The following COBLL1 variants were observed in gnomAD, a reference collection of about 807,000 sequenced individuals.
The protein encoded by COBLL1 is cordon-bleu protein-like 1.
COBLL1 carries 50 observed loss-of-function variants against 94.8 expected under a neutral mutation model. The observed-to-expected ratio is 0.53, with a 90% CI of 0.42 to 0.67. The LOEUF is 0.67. Ranked by LOEUF, COBLL1 falls within the 30% of genes least tolerant of loss-of-function variation. The pLI, the probability that COBLL1 is intolerant of heterozygous loss-of-function variation, is 0.00. For missense variants in COBLL1, 1,362 were observed against 1,348.7 expected (o/e 1.01, Z -0.15); for synonymous variants, 448 against 473.8 (o/e 0.95, Z 0.71).
At chr2:164,798,932 A>G (rs988566192) in intron 2 of COBLL1, among the ~76,000 whole-genome samples, 1 of 148,340 alleles carries the variant, frequency 6.7e-6, no homozygotes, top group East Asian at 2.1e-4. Context: ...AGGCAGGAGA[A>G]TGGCGTGAAC....
chr2:164,714,888 A>G (rs1011658617), intron 7 of COBLL1, among the ~76,000 whole-genome samples: 2 of 152,298 alleles, frequency 1.3e-5, no homozygotes, highest in East Asian at 3.9e-4. Flanking sequence ...TTACATACTA[A>G]TAGACAAGAA....
At chr2:164,840,916 G>A in intron 2 of COBLL1, 1 of 388,974 alleles carries the variant, frequency 2.6e-6, no homozygotes, top group South Asian at 1.4e-4. Context: ...CATTCAGCTG[G>A]CCTGTAGCAA....
rs1350973430 is a variant in COBLL1, at chr2:164,668,765, C to T, written n.127-2864G>A. Among the ~76,000 whole-genome samples, 5 of 152,328 alleles carry T rather than the reference C, an allele frequency of 3.3e-5. No individual in the cohort carries two copies. The South Asian group carries it at 6.2e-4, about 19-fold the overall frequency. On this transcript the variant is annotated intron_variant and non_coding_transcript_variant, in intron 1 of 2. Coordinates refer to the COBLL1 transcript ENST00000495084. ...ATTATAATTATTTGAAGGAGCAAAACATTCTGTGGATGTTTATTTATCTAC... is the reference window on the plus strand; with the variant it reads ...ATTATAATTATTTGAAGGAGCAAAATATTCTGTGGATGTTTATTTATCTAC...
At chr2:164,757,715 G>A (rs1273903925) in intron 2 of COBLL1, among the ~76,000 whole-genome samples, 1 of 152,038 alleles carries the variant, frequency 6.6e-6, no homozygotes, top group Non-Finnish European at 1.5e-5. Context: ...GGGAGCCTGA[G>A]GTGGTAGGAT....
In COBLL1 at chr2:164,704,462, C is replaced by T. The variant is rs1684478936; in HGVS notation, c.1207G>A (p.Glu403Lys). 6.2e-7 allele frequency: 1 copy of T among 1,612,852 alleles called. No homozygotes were observed. The highest frequency in any genetic ancestry group is 1.3e-5 in the African/African-American group (1 of 74,898). The change falls in exon 9 of 14, where the codon GAG (glutamate) becomes AAG (lysine). Residue 403 changes from glutamate (E) to lysine (K), a missense_variant. Glu to Lys is a moderately conservative substitution (Grantham distance 56). Transcript: ENST00000652658. The stretch of plus-strand genomic sequence containing the variant: ...GTCATACCTGGGCTGGATAGCTCCT[C>T]AGGAGAGTTTGCTTCTGAAGCACTG... ...PDSASEANSPEELSSPAGISS... is the reference protein window; with the variant it reads ...PDSASEANSPKELSSPAGISS...
downstream of COBLL1, among the ~76,000 whole-genome samples, chr2:164,679,516 G>A (rs1372315738): frequency 6.6e-6 from 1 of 152,080 alleles, no homozygotes; most frequent in Non-Finnish European, 1.5e-5. Context: ...TGGGGCCATG[G>A]TATCAAATAT....
chr2:164,721,991 C>G, intron 7 of COBLL1, 84 bp downstream of exon 7: 1 of 1,023,276 alleles, frequency 9.8e-7, no homozygotes, highest in Non-Finnish European at 1.5e-6. Context: ...TACTAGTCTA[C>G]CTAGAAAAGA....
chr2:164,778,262 G>C (rs1688565628), intron 2 of COBLL1, among the ~76,000 whole-genome samples: 1 of 152,216 alleles, frequency 6.6e-6, no homozygotes, highest in Non-Finnish European at 1.5e-5. Context: ...GGTTATACTT[G>C]GGAGGAATAG....
At chr2:164,676,040 A>G (rs1336742838), downstream of COBLL1, among the ~76,000 whole-genome samples, 1 of 152,232 alleles carries the variant, frequency 6.6e-6, no homozygotes, top group Non-Finnish European at 1.5e-5. Flanking sequence ...GAGTACAGGG[A>G]TTAACAACTC....
At chr2:164,790,234 T>C (rs1432591685) in intron 2 of COBLL1, among the ~76,000 whole-genome samples, 1 of 152,128 alleles carries the variant, frequency 6.6e-6, no homozygotes, top group Non-Finnish European at 1.5e-5. Context: ...TGTGTCTACA[T>C]TGTCCCAGTG....
chr2:164,841,525 G>A lies in COBLL1; in HGVS notation c.-51+185C>T, dbSNP rs1023932600. The A allele has an allele frequency of 1.1e-5, 11 of 961,626 alleles. No individual in the cohort carries two copies. The highest frequency in any genetic ancestry group is 8.6e-5 in the African/African-American group (5 of 57,830). The allele number at this position is 961,626 out of a possible 1,614,324, so 59.6% of individuals were successfully genotyped here. ...GTAGCCATTTGGCGCCTCTCGGAGG[G>A]AGAGGAGCCGCCGGGGCTGGAAAAG... On this transcript the variant is annotated intron_variant, in intron 1 of 13. Coordinates refer to ENST00000652658, the MANE Select transcript of COBLL1 (RefSeq NM_001365672.2). This position sits in a 1 kb window ranked among gnomAD's most constrained non-coding sequence, Gnocchi z 5.5.
intron 7 of COBLL1, among the ~76,000 whole-genome samples, chr2:164,714,340 G>GAGGGT (rs1349475775): frequency 6.9e-6 from 1 of 144,300 alleles, no homozygotes. Context: ...GCCCAATGAT[G>GAGGGT]AGGGTCTAGC....
In COBLL1 at chr2:164,743,982, T is replaced by C. The variant is rs943881848; in HGVS notation, c.42-107A>G. 3.8e-6 allele frequency: 3 copies of C among 783,962 alleles called. No homozygotes were observed. In the African/African-American group the frequency reaches 5.3e-5, roughly 14 times the overall value. 48.6% of individuals were successfully genotyped at this position (783,962 alleles called of 1,614,324 possible). On this transcript the variant is annotated intron_variant, in intron 2 of 13. Transcript: ENST00000652658. Reference sequence around the variant, plus strand: ...TGATCTAGTAGTGGTTTTTCACATCTAGAAAAAATGTTCTACAATGTTAAC... The same window carrying C: ...TGATCTAGTAGTGGTTTTTCACATCCAGAAAAAATGTTCTACAATGTTAAC...
At chr2:164,756,637 T>TGGCCCAC (rs1687421717) in intron 2 of COBLL1, among the ~76,000 whole-genome samples, 1 of 152,154 alleles carries the variant, frequency 6.6e-6, no homozygotes, top group African/African-American at 2.4e-5. Context: ...CTTCACTGTT[T>TGGCCCAC]TTGGTGGGGA....
chr2:164,786,861 C>A (rs1688985794), intron 2 of COBLL1, among the ~76,000 whole-genome samples: 1 of 152,080 alleles, frequency 6.6e-6, no homozygotes, highest in South Asian at 2.1e-4. Context: ...TACTTCCTTG[C>A]CTTAATGTAT....
chr2:164,747,846 A>G (rs1047650692), intron 2 of COBLL1, among the ~76,000 whole-genome samples: 6 of 152,198 alleles, frequency 3.9e-5, no homozygotes, highest in Non-Finnish European at 1.5e-5. Flanking sequence ...ATGTATTTGT[A>G]ACTTTTGTTC....
intron 2 of COBLL1, among the ~76,000 whole-genome samples, chr2:164,817,766 A>T (rs1574643218): frequency 1.3e-5 from 2 of 152,112 alleles, no homozygotes; most frequent in Non-Finnish European, 2.9e-5. Context: ...AAGGGAAGCC[A>T]CCTGGTGGCT....
At chr2:164,808,523 T>A (rs967914205) in intron 2 of COBLL1, among the ~76,000 whole-genome samples, 2 of 152,154 alleles carry the variant, frequency 1.3e-5, no homozygotes, top group African/African-American at 4.8e-5. Context: ...TGAAACCAAA[T>A]AGCTACATGT....
At chr2:164,752,362 G>C (rs752305861) in intron 2 of COBLL1, among the ~76,000 whole-genome samples, 1 of 152,174 alleles carries the variant, frequency 6.6e-6, no homozygotes, top group Non-Finnish European at 1.5e-5. Context: ...TGATTCTGAA[G>C]TTGGTGCTCT....
Sources: allele counts gnomAD v4.1 joint callset (sites outside exome capture counted in the v4.1 genomes callset), GRCh38; gene constraint gnomAD v4.1.1; non-coding constraint Gnocchi (gnomAD v3.1); transcripts MANE v1.5; gene names NCBI Gene and HGNC (gene_info 2026-07-23, HGNC 2026-07-21).